Variants in ADARB2 observed in about 807,000 individuals in gnomAD.
ADARB2 encodes the protein inactive double-stranded RNA-specific editase B2.
A neutral mutation model predicts 62.2 loss-of-function variants in ADARB2; 25 were observed. The ratio of observed to expected loss-of-function variants is 0.40; its 90% CI spans 0.29 to 0.56. The LOEUF is 0.56. Ranked by LOEUF, ADARB2 falls within the 20% of genes least tolerant of loss-of-function variation. The probability of loss-of-function intolerance (pLI) is 0.43; values close to 1 mark genes in which losing one functional copy is unlikely to be tolerated. For synonymous variants in ADARB2, 572 were observed against 500.8 expected, an observed-to-expected ratio of 1.14 and a Z score of -1.90; for missense variants, 1,071 against 1,077.4, an observed-to-expected ratio of 0.99 and a Z score of 0.08.
At chr10:1,433,664 C>T (rs958216244) in intron 1 of ADARB2, among the ~76,000 whole-genome samples, 12 of 152,108 alleles carry the variant, frequency 7.9e-5, no homozygotes, top group African/African-American at 2.9e-4. Flanking sequence ...GGCCCACCTC[C>T]CACCAACCCT....
Position 1,184,966 on chromosome 10 carries a change from C to G in ADARB2, c.1938G>C (p.Ala646=), listed in dbSNP as rs200195986. Residue 646 remains alanine (A), a synonymous_variant, in exon 9 of 10, where the codon GCG becomes GCC. Coordinates refer to ENST00000381312, the MANE Select transcript of ADARB2 (RefSeq NM_018702.4). Reference sequence around the variant, plus strand: ...TGGTGGCGTTGATAATCTCCAGGTCCGCGCTGCCCACGACCCAGTTCATGC... The same window carrying G: ...TGGTGGCGTTGATAATCTCCAGGTCGGCGCTGCCCACGACCCAGTTCATGC... ...PFSMNWVVGS[A]DLEIINATTG... 3.0e-5 allele frequency: 49 copies of G among 1,613,882 alleles called. No homozygotes were observed. The East Asian group carries it at 5.3e-4, about 18-fold the overall frequency.
At chr10:1,294,348 C>G (rs988795141) in intron 3 of ADARB2, among the ~76,000 whole-genome samples, 5 of 152,066 alleles carry the variant, frequency 3.3e-5, no homozygotes, top group African/African-American at 1.2e-4. Flanking sequence ...ACTTGTGATG[C>G]CTGGGACCTG....
At chr10:1,376,501 G>A (rs1415986919) in intron 2 of ADARB2, among the ~76,000 whole-genome samples, 1 of 152,192 alleles carries the variant, frequency 6.6e-6, no homozygotes, top group Admixed American at 6.5e-5. Context: ...ACTGCCCAGT[G>A]TGGGGGTTCT....
intron 1 of ADARB2, among the ~76,000 whole-genome samples, chr10:1,630,828 G>A (rs933414008): frequency 9.9e-5 from 15 of 152,050 alleles, no homozygotes; most frequent in South Asian, 2.1e-4. Context: ...GGTGGTGGGC[G>A]TCTGTAGTCC....
At chr10:1,518,197 G>T (rs1012231939) in intron 1 of ADARB2, among the ~76,000 whole-genome samples, 1 of 152,206 alleles carries the variant, frequency 6.6e-6, no homozygotes, top group African/African-American at 2.4e-5. Context: ...TGTGTTGGCC[G>T]CATGAGCTTC....
chr10:1,356,301 TC>T (rs2131846688), intron 3 of ADARB2, among the ~76,000 whole-genome samples: 1 of 152,282 alleles, frequency 6.6e-6, no homozygotes, highest in East Asian at 1.9e-4. Context: ...CTGGGATCAT[TC>T]CTGCTTCAAA....
chr10:1,411,543 T>A (rs1353530459), intron 1 of ADARB2, among the ~76,000 whole-genome samples: 4 of 152,056 alleles, frequency 2.6e-5, no homozygotes. Flanking sequence ...TCAGGTGACT[T>A]TCTGACTGTA....
intron 1 of ADARB2, among the ~76,000 whole-genome samples, chr10:1,618,555 T>TC (rs1487124339): frequency 3.9e-5 from 1 of 25,864 alleles, no homozygotes; most frequent in Non-Finnish European, 6.8e-5. Flanking sequence ...AAAAATCAGA[T>TC]TTTTTTTTGA....
chr10:1,629,944 C>T (rs1189401007), intron 1 of ADARB2, among the ~76,000 whole-genome samples: 2 of 151,600 alleles, frequency 1.3e-5, no homozygotes, highest in Non-Finnish European at 2.9e-5. Context: ...ACAAAACCAA[C>T]CCCCGTCATT....
chr10:1,266,756 C>T (rs1390398821), intron 4 of ADARB2, among the ~76,000 whole-genome samples: 1 of 152,192 alleles, frequency 6.6e-6, no homozygotes, highest in Admixed American at 6.5e-5. Context: ...CTGCCCCTGG[C>T]CTGGAGGACA....
At chr10:1,706,063 G>C (rs1353430527) in intron 1 of ADARB2, among the ~76,000 whole-genome samples, 1 of 152,200 alleles carries the variant, frequency 6.6e-6, no homozygotes, top group Admixed American at 6.5e-5. Context: ...GTGATTAGTG[G>C]AGCTGCAGTG....
chr10:1,524,062 A>ATAGT (rs1471612727), intron 1 of ADARB2, among the ~76,000 whole-genome samples: 1 of 89,238 alleles, frequency 1.1e-5, no homozygotes, highest in Non-Finnish European at 2.8e-5. Flanking sequence ...GGATATGAAG[A>ATAGT]TAGATAGATA....
intron 7 of ADARB2, among the ~76,000 whole-genome samples, chr10:1,206,767 G>C (rs1440370311): frequency 6.6e-6 from 1 of 152,106 alleles, no homozygotes; most frequent in Non-Finnish European, 1.5e-5. Context: ...AGCATCCCAG[G>C]TCCCCACTCA....
At chr10:1,462,147 C>G (rs1299169324) in intron 1 of ADARB2, among the ~76,000 whole-genome samples, 1 of 152,312 alleles carries the variant, frequency 6.6e-6, no homozygotes, top group Non-Finnish European at 1.5e-5. Context: ...CCGCTCAGCC[C>G]TGCCCACTTC....
intron 1 of ADARB2, among the ~76,000 whole-genome samples, chr10:1,708,727 T>G (rs1267888921): frequency 6.6e-6 from 1 of 152,220 alleles, no homozygotes; most frequent in Non-Finnish European, 1.5e-5. Context: ...ATCTCCCTCC[T>G]GGGGTCACAG....
intron 1 of ADARB2, among the ~76,000 whole-genome samples, chr10:1,692,341 G>A (rs905500968): frequency 8.5e-5 from 13 of 152,220 alleles, no homozygotes; most frequent in African/African-American, 3.1e-4. Context: ...AAAGCAGGAA[G>A]TGGTTTGAAG....
intron 1 of ADARB2, among the ~76,000 whole-genome samples, chr10:1,599,857 C>T (rs1739254671): frequency 6.6e-6 from 1 of 152,110 alleles, no homozygotes; most frequent in Non-Finnish European, 1.5e-5. Flanking sequence ...AGTGATTCTC[C>T]TACCTCAGCC....
rs1258255762 is a variant in ADARB2 at position 1,267,916 on chromosome 10, CTT to C, written c.1192+3037_1192+3038del. ...CACTCAAAAGACAAAGTAGAGAAGA[CTT>C]AATTATGGGCATAAGAAAGGATATA... On this transcript the variant is annotated intron_variant, in intron 4 of 9. Coordinates refer to ENST00000381312, the MANE Select transcript of ADARB2 (RefSeq NM_018702.4). Among the ~76,000 whole-genome samples the C allele has an allele frequency of 4.6e-5, 7 of 152,164 alleles. No homozygotes were observed. In the East Asian group the frequency reaches 1.4e-3, roughly 29 times the overall value.
At chr10:1,213,641 T>C (rs1768533265) in intron 7 of ADARB2, among the ~76,000 whole-genome samples, 1 of 152,252 alleles carries the variant, frequency 6.6e-6, no homozygotes, top group Non-Finnish European at 1.5e-5. Flanking sequence ...ATTCTCACTC[T>C]AGCTGCCCAG....
Sources: gnomAD v4.1 joint callset for allele counts (sites outside exome capture counted in the v4.1 genomes callset) on GRCh38, gnomAD v4.1.1 for gene constraint, MANE v1.5 for transcripts, NCBI Gene and HGNC (gene_info 2026-07-23, HGNC 2026-07-21) for gene names.